Variants in PKIB observed in about 807,000 individuals in gnomAD.
PKIB encodes the protein PKI-beta.
A neutral mutation model predicts 4.5 loss-of-function variants in PKIB; 2 were observed. That is an observed-to-expected ratio of 0.44 (90% CI 0.18 to 1.39). The LOEUF (loss-of-function observed/expected upper bound fraction) is 1.39, where lower values mean the gene tolerates loss of function less well. Ranked by LOEUF, PKIB falls within the 40% of genes most tolerant of loss-of-function variation. The pLI is 0.27. For missense variants in PKIB, 94 were observed against 92.6 expected (o/e 1.02, Z -0.06); for synonymous variants, 38 against 36.0 (o/e 1.06, Z -0.20).
At chr6:122,628,809 C>T (rs1405256860) in intron 1 of PKIB, among the ~76,000 whole-genome samples, 1 of 152,184 alleles carries the variant, frequency 6.6e-6, no homozygotes, top group Non-Finnish European at 1.5e-5. Context: ...TAAATTCTCT[C>T]CTCTCTGTAA....
At chr6:122,651,595 C>T (rs1776557062) in intron 2 of PKIB, among the ~76,000 whole-genome samples, 1 of 152,114 alleles carries the variant, frequency 6.6e-6, no homozygotes, top group South Asian at 2.1e-4. Context: ...CCCATATGTC[C>T]CCATTCTAAT....
At chr6:122,619,440 A>G (rs1263972626) in intron 1 of PKIB, among the ~76,000 whole-genome samples, 1 of 150,358 alleles carries the variant, frequency 6.7e-6, no homozygotes, top group East Asian at 1.9e-4. Flanking sequence ...TTTTATAGCT[A>G]TTTGTCCTAT....
intron 2 of PKIB, among the ~76,000 whole-genome samples, chr6:122,584,658 AT>A (rs1240967729): frequency 6.6e-6 from 1 of 152,140 alleles, no homozygotes; most frequent in Admixed American, 6.6e-5. Context: ...TATATTTACC[AT>A]TTTTTATGCT....
At chr6:122,638,767 G>C (rs1163710264) in intron 2 of PKIB, among the ~76,000 whole-genome samples, 2 of 152,134 alleles carry the variant, frequency 1.3e-5, no homozygotes, top group African/African-American at 4.8e-5. Flanking sequence ...GGCAGGTCTT[G>C]GTCCTGGGGT....
Position 122,570,991 on chromosome 6 carries a change from A to C in PKIB, c.-247-14930A>C, listed in dbSNP as rs545610468. Among the ~76,000 whole-genome samples, 6 of 152,260 alleles carry C rather than the reference A, an allele frequency of 3.9e-5. No homozygotes were observed. In the East Asian group the frequency reaches 1.2e-3, roughly 29 times the overall value. On this transcript the variant is annotated intron_variant, in intron 2 of 6. Transcript: ENST00000392491. Reference sequence around the variant, plus strand: ...CAGAGAAAGGTGAAAACCAACATAAAAAATGTTTTAAAATTCAGGATATGA... The same window carrying C: ...CAGAGAAAGGTGAAAACCAACATAACAAATGTTTTAAAATTCAGGATATGA...
chr6:122,622,430 C>A (rs1412201077), intron 1 of PKIB, among the ~76,000 whole-genome samples: 1 of 152,042 alleles, frequency 6.6e-6, no homozygotes, highest in African/African-American at 2.4e-5. Context: ...CAAGGGTATC[C>A]TTTAGGTAGG....
intron 3 of PKIB, among the ~76,000 whole-genome samples, chr6:122,708,127 A>G (rs1182468894): frequency 6.6e-6 from 1 of 152,174 alleles, no homozygotes; most frequent in Admixed American, 6.6e-5. Context: ...GAGACAGACA[A>G]TAAGCAACAA....
At position 122,664,260 on chromosome 6, in the gene PKIB, G is replaced by C. The variant is rs544976992; in HGVS notation, c.-75-10818G>C. 7.9e-5 allele frequency among the ~76,000 whole-genome samples: 12 copies of C among 152,204 alleles called. No individual in the cohort carries two copies. The South Asian group carries it at 2.5e-3, about 32-fold the overall frequency. ...AGCACTGCAGCTGCCATTTTTCTCT[G>C]AGCCAGACAAATCCTGACATGGACA... On this transcript the variant is annotated intron_variant, in intron 2 of 4. Coordinates refer to ENST00000368452, the MANE Select transcript of PKIB (RefSeq NM_181795.3).
At chr6:122,501,091 C>T (rs1034036540) in intron 2 of PKIB, among the ~76,000 whole-genome samples, 9 of 152,134 alleles carry the variant, frequency 5.9e-5, no homozygotes, top group Admixed American at 4.6e-4. Flanking sequence ...CATTCTGCCC[C>T]CAGCTTCTCC....
chr6:122,588,238 A>G (rs898410801), intron 3 of PKIB, among the ~76,000 whole-genome samples: 2 of 152,168 alleles, frequency 1.3e-5, no homozygotes, highest in Non-Finnish European at 2.9e-5. Flanking sequence ...AGCTTTCTAC[A>G]TATGGCTAGC....
chr6:122,605,382 G>A (rs941502411), upstream of PKIB, among the ~76,000 whole-genome samples: 1 of 152,210 alleles, frequency 6.6e-6, no homozygotes, highest in Non-Finnish European at 1.5e-5. Flanking sequence ...AGTTCCATTT[G>A]TCTCTGGCAG....
intron 2 of PKIB, among the ~76,000 whole-genome samples, chr6:122,549,147 A>G (rs1359363977): frequency 6.6e-6 from 1 of 152,184 alleles, no homozygotes; most frequent in Non-Finnish European, 1.5e-5. Flanking sequence ...TCTTAAAACT[A>G]CTATTATTCA....
intron 3 of PKIB, among the ~76,000 whole-genome samples, chr6:122,708,481 G>C (rs993514909): frequency 5.3e-5 from 8 of 152,148 alleles, no homozygotes; most frequent in Non-Finnish European, 1.2e-4. Context: ...CCTATGGGCA[G>C]TGTAGGGGAG....
chr6:122,513,002 T>G (rs1273324482), intron 2 of PKIB, among the ~76,000 whole-genome samples: 1 of 152,242 alleles, frequency 6.6e-6, no homozygotes, highest in Non-Finnish European at 1.5e-5. Flanking sequence ...AATTTCTTAG[T>G]CAGCATCTCT....
intron 1 of PKIB, among the ~76,000 whole-genome samples, chr6:122,626,407 C>T (rs1456557689): frequency 2.0e-5 from 3 of 152,190 alleles, no homozygotes; most frequent in Non-Finnish European, 4.4e-5. Flanking sequence ...TTGAATAAAA[C>T]ATTGCCATTC....
chr6:122,612,995 C>G (rs1393015669), intron 1 of PKIB, among the ~76,000 whole-genome samples: 2 of 152,110 alleles, frequency 1.3e-5, no homozygotes, highest in African/African-American at 4.8e-5. Flanking sequence ...CATTGCTTCT[C>G]TTCAAATTTA....
At chr6:122,550,938 AT>A (rs1772657196) in intron 2 of PKIB, among the ~76,000 whole-genome samples, 2 of 152,124 alleles carry the variant, frequency 1.3e-5, no homozygotes, top group South Asian at 4.1e-4. Flanking sequence ...TGATGGAAAA[AT>A]TTTTTAGTCA....
intron 2 of PKIB, among the ~76,000 whole-genome samples, chr6:122,671,224 G>A (rs556561643): frequency 2.6e-5 from 4 of 151,830 alleles, no homozygotes; most frequent in South Asian, 2.1e-4. Context: ...CCCAGGAGGC[G>A]GAGGTTGCAG....
chr6:122,541,410 TGTA>T (rs1777595705), intron 2 of PKIB, among the ~76,000 whole-genome samples: 1 of 151,796 alleles, frequency 6.6e-6, no homozygotes, highest in South Asian at 2.1e-4. Context: ...TTTGCTTGTC[TGTA>T]AAGTATTTTA....
Sources: allele counts gnomAD v4.1 joint callset (sites outside exome capture counted in the v4.1 genomes callset), GRCh38; gene constraint gnomAD v4.1.1; transcripts MANE v1.5; gene names NCBI Gene and HGNC (gene_info 2026-07-23, HGNC 2026-07-21).